KIRREL2: variants seen among roughly 807,000 people sequenced by gnomAD.
KIRREL2 encodes the protein kin of IRRE-like protein 2.
In KIRREL2, 56 loss-of-function variants were observed where a neutral mutation model predicts 73.4. The ratio of observed to expected loss-of-function variants is 0.76; its 90% CI spans 0.62 to 0.95. KIRREL2 has a LOEUF of 0.95. Ranked by LOEUF, KIRREL2 falls within the 40% of genes least tolerant of loss-of-function variation. The pLI, the probability that KIRREL2 is intolerant of heterozygous loss-of-function variation, is 0.00. For missense variants in KIRREL2, 896 were observed against 935.0 expected (o/e 0.96, Z 0.54); for synonymous variants, 407 against 404.0 (o/e 1.01, Z -0.09).
At chr19:35,855,682 CACACACACACACACACACACACACAT>C (rs1325092178), upstream of KIRREL2, among the ~76,000 whole-genome samples, 11 of 147,502 alleles carry the variant, frequency 7.5e-5, no homozygotes, top group East Asian at 4.2e-4. Context: ...CACACACACA[CACACACACACACACACACACACACAT>C]ACACACAGGA....
chr19:35,861,759 TC>T (rs755098965), intron 10 of KIRREL2, 45 bp from the exon 11 acceptor site: 30 of 1,587,606 alleles, frequency 1.9e-5, no homozygotes, highest in Non-Finnish European at 2.6e-5. Flanking sequence ...TGCTTCTTCC[TC>T]CCCTCCTCAG....
chr19:35,861,335 G>T, intron 9 of KIRREL2, 81 bp downstream of exon 9: 1 of 1,503,376 alleles, frequency 6.7e-7, no homozygotes. Flanking sequence ...TAATGCAGTG[G>T]GAGTGGCCTG....
intron 2 of KIRREL2, among the ~76,000 whole-genome samples, chr19:35,858,108 A>G (rs1973508287): frequency 6.6e-6 from 1 of 152,104 alleles, no homozygotes; most frequent in South Asian, 2.1e-4. Flanking sequence ...AGCTCCCCAG[A>G]AGACCCCGTG....
intron 11 of KIRREL2, 35 bp downstream of exon 11, chr19:35,862,059 A>G (rs937280581): frequency 6.4e-7 from 1 of 1,553,238 alleles, no homozygotes; most frequent in Non-Finnish European, 8.8e-7. Flanking sequence ...AAATCTGGAG[A>G]GTCTAAACCC....
Position 35,860,364 on chromosome 19 carries a change from G to A in KIRREL2, c.741G>A (p.Leu247=). ...AGGAGGGAGAGAAGGTCATTTTCCT[G>A]TGCCAGGCCACAGCCCAGCCTCCTG... is the stretch of plus-strand genomic sequence containing the variant. ...TVQEGEKVIF[L]CQATAQPPVT... The change falls in exon 6 of 15, where the codon CTG becomes CTA. Residue 247 remains leucine (L), a synonymous_variant. Transcript: ENST00000360202. 6.2e-7 allele frequency: 1 copy of A among 1,613,892 alleles called. No individual in the cohort carries two copies. The highest frequency in any genetic ancestry group is 8.5e-7 in the Non-Finnish European group (1 of 1,180,020).
chr19:35,855,428 G>A (rs1973386496), upstream of KIRREL2, among the ~76,000 whole-genome samples: 1 of 151,734 alleles, frequency 6.6e-6, no homozygotes, highest in Non-Finnish European at 1.5e-5. Flanking sequence ...CAAGTGCCTG[G>A]AAAAACAGCC....
At chr19:35,858,979 T>C in intron 4 of KIRREL2, 115 bp downstream of exon 4, 3 of 1,160,240 alleles carry the variant, frequency 2.6e-6, no homozygotes, top group Non-Finnish European at 3.7e-6. Context: ...GTTCATGGGT[T>C]TGGACTCTTG....
chr19:35,857,459 G>C lies in KIRREL2; in HGVS notation c.176G>C (p.Ser59Thr). The change falls in exon 2 of 15, where the codon AGT (serine) becomes ACT (threonine). Residue 59 changes from serine (S) to threonine (T), a missense_variant. By Grantham distance (58) the Ser-to-Thr change is moderately conservative. Coordinates refer to ENST00000360202, the MANE Select transcript of KIRREL2 (RefSeq NM_199180.4). ...TGGGGGCTAGTTCAGTGGACTAAGAGTGGGCTGGCCCTAGGGGGCCAAAGG... is the reference window on the plus strand; with the variant it reads ...TGGGGGCTAGTTCAGTGGACTAAGACTGGGCTGGCCCTAGGGGGCCAAAGG... ...AYWGLVQWTK[S>T]GLALGGQRDL... is the part of the protein sequence containing the mutation. The C allele has an allele frequency of 6.2e-7, 1 of 1,610,532 alleles. No homozygotes were observed. The highest frequency in any genetic ancestry group is 1.1e-5 in the South Asian group (1 of 90,618).
chr19:35,857,598 T>G (rs1233703563), intron 2 of KIRREL2, 104 bp downstream of exon 2: 1 of 1,230,912 alleles, frequency 8.1e-7, no homozygotes, highest in Non-Finnish European at 1.1e-6. Flanking sequence ...TTTGGGAAAT[T>G]GATGGGCTCG....
Position 35,861,573 on chromosome 19 carries a change from C to T in KIRREL2, c.1222C>T (p.Pro408Ser). The change falls in exon 10 of 15, where the codon CCT becomes TCT. Residue 408 changes from proline (P) to serine (S), a missense_variant. Physicochemically the swap from Pro to Ser is moderately conservative, Grantham distance 74. Transcript: ENST00000360202. ...PPVVTALHSA[P>S]AFLRGPARLQ... ...AGTAGTGACCGCCCTGCACTCTGCG[C>T]CTGCCTTCCTGAGGGGCCCTGCTCG... 2 of 1,613,852 alleles carry T rather than the reference C, an allele frequency of 1.2e-6. 1 individual carries two copies. Among genetic ancestry groups the T allele is most frequent in the South Asian group, 2.2e-5 (2 of 91,060 alleles).
Position 35,862,967 on chromosome 19 carries a change from C to T in KIRREL2, c.1656C>T (p.Ile552=), listed in dbSNP as rs746973183. The T allele has an allele frequency of 3.1e-6, 5 of 1,590,810 alleles. No homozygotes were observed. Among genetic ancestry groups the T allele is most frequent in the Non-Finnish European group, 4.3e-6 (5 of 1,168,918 alleles). ...CCGAGCAAAAGAACCTGATGCGAATCCCTGGCAGCAGCGACGGCTCCAGTT... is the reference window on the plus strand; with the variant it reads ...CCGAGCAAAAGAACCTGATGCGAATTCCTGGCAGCAGCGACGGCTCCAGTT... The part of the protein sequence containing the change: ...SFSEQKNLMR[I]PGSSDGSSSR... The change falls in exon 13 of 15, where the codon ATC becomes ATT. Residue 552 remains isoleucine, a synonymous_variant. Transcript: ENST00000360202.
At chr19:35,860,812 C>A in intron 7 of KIRREL2, 97 bp from the exon 8 acceptor site, 1 of 1,590,362 alleles carries the variant, frequency 6.3e-7, no homozygotes, top group South Asian at 1.1e-5. Context: ...CATATTCTTG[C>A]GCCCTAGAGG....
Position 35,862,441 on chromosome 19 carries a change from G to A in KIRREL2, c.1511-52G>A, listed in dbSNP as rs1345916916. 1.2e-5 allele frequency: 16 copies of A among 1,352,982 alleles called. No homozygotes were observed. In the South Asian group the frequency reaches 1.3e-4, roughly 11 times the overall value. 83.8% of individuals were successfully genotyped at this position (1,352,982 alleles called of 1,614,324 possible). On this transcript the variant is annotated intron_variant, in intron 11 of 14. Coordinates refer to ENST00000360202, the MANE Select transcript of KIRREL2 (RefSeq NM_199180.4). Reference sequence around the variant, plus strand: ...TCCCAAACTCAATCCCTGAGCCCCCGCTTCCTGGTTCCCCCTCAGCCTTCT... The same window carrying A: ...TCCCAAACTCAATCCCTGAGCCCCCACTTCCTGGTTCCCCCTCAGCCTTCT...
At chr19:35,860,025 T>C (rs1973593892) in intron 5 of KIRREL2, among the ~76,000 whole-genome samples, 1 of 152,084 alleles carries the variant, frequency 6.6e-6, no homozygotes, top group Non-Finnish European at 1.5e-5. Flanking sequence ...AGAGTGAGAC[T>C]CCGAGCAGGA....
chr19:35,862,027 G>A lies in KIRREL2; in HGVS notation c.1510+3G>A. The stretch of plus-strand genomic sequence containing the variant: ...CCAGGCCAGCCTGGGCCGTAGAGGT[G>A]AGACCCCAGCCCGAAGACCCCAAAT... On this transcript the variant is annotated splice_donor_region_variant and intron_variant, in intron 11 of 14. Transcript: ENST00000360202. 1.9e-6 allele frequency: 3 copies of A among 1,604,178 alleles called. No individual in the cohort carries two copies. The highest frequency in any genetic ancestry group is 2.6e-6 in the Non-Finnish European group (3 of 1,175,860).
At position 35,862,990 on chromosome 19, in the gene KIRREL2, G is replaced by A. The variant is rs1444904301; in HGVS notation, c.1679G>A (p.Ser560Asn). The A allele has an allele frequency of 6.3e-7, 1 of 1,593,328 alleles. No individual in the cohort carries two copies. Among genetic ancestry groups the A allele is most frequent in the Non-Finnish European group, 8.5e-7 (1 of 1,170,360 alleles). ...MRIPGSSDGS[S>N]SRGPEEEETG... ...ATCCCTGGCAGCAGCGACGGCTCCA[G>A]TTCACGAGGTCCTGAAGAAGAGGAG... The change falls in exon 13 of 15, where the codon AGT (serine) becomes AAT (asparagine). Residue 560 changes from serine to asparagine, a missense_variant. Physicochemically the swap from Ser to Asn is conservative, Grantham distance 46. Transcript: ENST00000360202.
At chr19:35,860,736 G>C in intron 7 of KIRREL2, 69 bp downstream of exon 7, 1 of 1,591,486 alleles carries the variant, frequency 6.3e-7, no homozygotes, top group Non-Finnish European at 8.5e-7. Flanking sequence ...GAGGGTCGGG[G>C]CCTGGAGGGG....
In KIRREL2 at chr19:35,862,544, C is replaced by CGGAG. The variant is rs757140208; in HGVS notation, c.1562_1563insGGAG (p.Leu522GlufsTer45). The CGGAG allele has an allele frequency of 1.1e-5, 18 of 1,610,678 alleles. No individual in the cohort carries two copies. Among genetic ancestry groups the CGGAG allele is most frequent in the East Asian group, 2.2e-5 (1 of 44,874 alleles). ...GCCGGAGTGGCCGCTGCCACCACAA[C>CGGAG]TCTCCTTATGGTCATCACTGGGGTG... is the stretch of plus-strand genomic sequence containing the variant. On this transcript the variant is annotated frameshift_variant, in exon 12 of 15. Transcript: ENST00000360202. LOFTEE classifies it high-confidence loss of function.
At chr19:35,864,763 C>A in intron 14 of KIRREL2, 50 bp downstream of exon 14, 2 of 1,399,642 alleles carry the variant, frequency 1.4e-6, no homozygotes, top group African/African-American at 1.4e-5. Context: ...AGAGGCGGGG[C>A]TCCCTTCATT....
Sources: gnomAD v4.1 joint callset for allele counts (sites outside exome capture counted in the v4.1 genomes callset) on GRCh38, gnomAD v4.1.1 for gene constraint, MANE v1.5 for transcripts, NCBI Gene and HGNC (gene_info 2026-07-23, HGNC 2026-07-21) for gene names.